PGM2L1: variants seen among roughly 807,000 people sequenced by gnomAD.
The protein encoded by PGM2L1 is phosphoglucomutase 2 like 1.
In PGM2L1, 35 loss-of-function variants were observed where a neutral mutation model predicts 73.4. The observed-to-expected ratio is 0.48, with a 90% CI of 0.36 to 0.63. The LOEUF (loss-of-function observed/expected upper bound fraction) is 0.63, where lower values mean the gene tolerates loss of function less well. PGM2L1 is among the 30% of genes least tolerant of loss of function. PGM2L1 has a pLI of 0.00. For synonymous variants in PGM2L1, 225 were observed against 253.8 expected, an observed-to-expected ratio of 0.89 and a Z score of 1.08; for missense variants, 570 against 742.0, an observed-to-expected ratio of 0.77 and a Z score of 2.69.
chr11:74,366,015 T>C (rs193164827), intron 5 of PGM2L1, among the ~76,000 whole-genome samples: 2,736 of 152,248 alleles, frequency 0.018, 49 homozygotes, highest in African/African-American at 0.034. Flanking sequence ...ATATACACCA[T>C]GGAATACTAT....
intron 1 of PGM2L1, among the ~76,000 whole-genome samples, chr11:74,395,111 TCTC>T (rs1239286134): frequency 4.6e-5 from 7 of 152,238 alleles, no homozygotes; most frequent in Non-Finnish European, 1.0e-4. Context: ...AAATGTATTC[TCTC>T]CTATTAAGAG....
chr11:74,343,769 CTTTTTTTTT>C (rs56938172), intron 9 of PGM2L1, among the ~76,000 whole-genome samples: 1 of 79,156 alleles, frequency 1.3e-5, no homozygotes, highest in African/African-American at 5.1e-5. Context: ...TTTACATTAT[CTTTTTTTTT>C]TTTTTTTTTT....
At chr11:74,356,782 A>C (rs562488167) in intron 5 of PGM2L1, among the ~76,000 whole-genome samples, 6 of 152,188 alleles carry the variant, frequency 3.9e-5, no homozygotes, top group Non-Finnish European at 8.8e-5. Context: ...GCAAAACTAT[A>C]AAACTCCTAG....
intron 5 of PGM2L1, chr11:74,355,648 C>T: frequency 2.0e-6 from 1 of 496,624 alleles, no homozygotes; most frequent in South Asian, 1.5e-5. Flanking sequence ...GAGGCCAATA[C>T]TTTACTAATT....
At position 74,335,504 on chromosome 11, in the gene PGM2L1, A is replaced by G. The variant is rs1019583902; in HGVS notation, c.*1148T>C. 3 of 152,256 alleles carry G rather than the reference A, an allele frequency of 2.0e-5. No individual in the cohort carries two copies. Among genetic ancestry groups the G allele is most frequent in the African/African-American group, 7.2e-5 (3 of 41,478 alleles). The allele number at this position is 152,256 out of a possible 1,614,324, so 9.4% of individuals were successfully genotyped here. A position where few individuals can be genotyped will look rare whatever the true frequency, so the allele number is the denominator to read the frequency against. ...TGCAATCAGAAATTCTACAGAAGTC[A>G]GCAAGATGTTAGAATAAACTGGACC... On this transcript the variant is annotated 3_prime_UTR_variant, in exon 14 of 14. Coordinates refer to ENST00000298198, the MANE Select transcript of PGM2L1 (RefSeq NM_173582.6).
At chr11:74,369,129 A>AATG (rs1298270677) in intron 4 of PGM2L1, among the ~76,000 whole-genome samples, 111 of 152,304 alleles carry the variant, frequency 7.3e-4, no homozygotes, top group Middle Eastern at 6.8e-3. Context: ...CATTTATAAC[A>AATG]CAGCCACATC....
intron 9 of PGM2L1, among the ~76,000 whole-genome samples, chr11:74,344,721 G>A (rs1862236078): frequency 3.3e-5 from 5 of 152,112 alleles, no homozygotes; most frequent in Admixed American, 2.6e-4. Flanking sequence ...CATAAACTAG[G>A]AAAACATCAG....
chr11:74,397,981 G>A, intron 1 of PGM2L1, 70 bp downstream of exon 1: 2 of 1,461,204 alleles, frequency 1.4e-6, no homozygotes, highest in Non-Finnish European at 1.8e-6. Flanking sequence ...GCGGGGCGCT[G>A]GGTGGGCACA....
At chr11:74,384,560 TA>T (rs1409909422) in intron 1 of PGM2L1, among the ~76,000 whole-genome samples, 1 of 151,692 alleles carries the variant, frequency 6.6e-6, no homozygotes, top group East Asian at 1.9e-4. Flanking sequence ...TGTACTATTA[TA>T]TTTATATTAT....
At chr11:74,365,456 A>C (rs1278610079) in intron 5 of PGM2L1, among the ~76,000 whole-genome samples, 1 of 152,210 alleles carries the variant, frequency 6.6e-6, no homozygotes, top group Non-Finnish European at 1.5e-5. Context: ...AACTTTTTGC[A>C]ACCTACTCAT....
intron 1 of PGM2L1, among the ~76,000 whole-genome samples, chr11:74,378,555 G>A (rs1862891233): frequency 6.6e-6 from 1 of 152,014 alleles, no homozygotes; most frequent in African/African-American, 2.4e-5. Context: ...AATCAGTAAG[G>A]TGCAGAATAC....
At position 74,393,735 on chromosome 11, in the gene PGM2L1, G is replaced by C. The variant is rs552057187; in HGVS notation, c.111+4316C>G. Among the ~76,000 whole-genome samples, 11 of 152,236 alleles carry C rather than the reference G, an allele frequency of 7.2e-5. No individual in the cohort carries two copies. The South Asian group carries it at 2.3e-3, about 32-fold the overall frequency. ...CCTCCACATCGTTGTTGATATATAG[G>C]AAGTTCAACACCTTTGTGACAGCTG... is the stretch of plus-strand genomic sequence containing the variant. On this transcript the variant is annotated intron_variant, in intron 1 of 13. Transcript: ENST00000298198.
chr11:74,338,356 G>T, intron 13 of PGM2L1, 112 bp downstream of exon 13: 1 of 1,023,788 alleles, frequency 9.8e-7, no homozygotes, highest in Non-Finnish European at 1.3e-6. Flanking sequence ...GCACAACTTT[G>T]AACATACTAA....
chr11:74,346,306 CA>C (rs1017714058), intron 8 of PGM2L1, among the ~76,000 whole-genome samples: 5 of 86,146 alleles, frequency 5.8e-5, no homozygotes, highest in East Asian at 3.4e-4. Context: ...AGCAAACAAA[CA>C]AAAAAAAAGG....
intron 5 of PGM2L1, 126 bp from the exon 6 acceptor site, chr11:74,351,702 C>T (rs1862356665): frequency 1.3e-6 from 1 of 782,414 alleles, no homozygotes; most frequent in Non-Finnish European, 1.9e-6. Flanking sequence ...GTGGCTCACG[C>T]CTGTAATCTC....
In PGM2L1 at chr11:74,391,816, C is replaced by A. The variant is rs553107693; in HGVS notation, c.111+6235G>T. On this transcript the variant is annotated intron_variant, in intron 1 of 13. Coordinates refer to ENST00000298198, the MANE Select transcript of PGM2L1 (RefSeq NM_173582.6). ...TCTGTGTATTTGACTACGCTAGGTA[C>A]CTTATATAAGCTGGTATGGGTTTTC... Among the ~76,000 whole-genome samples, 9 of 147,528 alleles carry A rather than the reference C, an allele frequency of 6.1e-5. No individual in the cohort carries two copies. In the South Asian group the frequency reaches 2.0e-3, roughly 32 times the overall value.
intron 1 of PGM2L1, among the ~76,000 whole-genome samples, chr11:74,376,222 C>G (rs931126355): frequency 1.3e-5 from 2 of 152,018 alleles, no homozygotes; most frequent in Non-Finnish European, 2.9e-5. Flanking sequence ...ATTAATATTA[C>G]TATTGTGTAG....
rs567717275 is a variant in PGM2L1 at position 74,343,165 on chromosome 11, CT to C, written c.1313-152del. ...AGTGTATTTAGGGGACACTTTCGTTCTTTTTTTTTTCTGATAAGAAATGTAT... is the reference window on the plus strand; with the variant it reads ...AGTGTATTTAGGGGACACTTTCGTTCTTTTTTTTTCTGATAAGAAATGTAT... On this transcript the variant is annotated intron_variant, in intron 10 of 13. Coordinates refer to ENST00000298198, the MANE Select transcript of PGM2L1 (RefSeq NM_173582.6). 4,631 of 1,163,980 alleles carry C rather than the reference CT, an allele frequency of 4.0e-3. 1 individual carries two copies. Among genetic ancestry groups the C allele is most frequent in the South Asian group, 5.9e-3 (302 of 51,046 alleles). The allele number at this position is 1,163,980 out of a possible 1,614,324, so 72.1% of individuals were successfully genotyped here.
Position 74,385,885 on chromosome 11 carries a change from GT to G in PGM2L1, c.112-11304del, listed in dbSNP as rs1238534604. Among the ~76,000 whole-genome samples, 38 of 152,170 alleles carry G rather than the reference GT, an allele frequency of 2.5e-4. No individual in the cohort carries two copies. The East Asian group carries it at 4.6e-3, about 19-fold the overall frequency. On this transcript the variant is annotated intron_variant, in intron 1 of 13. Coordinates refer to ENST00000298198, the MANE Select transcript of PGM2L1 (RefSeq NM_173582.6). ...CAGAAGTTAAATATCTCTGTATCATGTATATGTCATCTTTACATGTTATAGA... is the reference window on the plus strand; with the variant it reads ...CAGAAGTTAAATATCTCTGTATCATGATATGTCATCTTTACATGTTATAGA...
Sources: gnomAD v4.1 joint callset for allele counts (sites outside exome capture counted in the v4.1 genomes callset) on GRCh38, gnomAD v4.1.1 for gene constraint, MANE v1.5 for transcripts, NCBI Gene and HGNC (gene_info 2026-07-23, HGNC 2026-07-21) for gene names.